RANBP3: variants seen among roughly 807,000 people sequenced by gnomAD.
RANBP3 encodes the protein ran-binding protein 3.
A neutral mutation model predicts 77.3 loss-of-function variants in RANBP3; 14 were observed. That is an observed-to-expected ratio of 0.18 (90% CI 0.12 to 0.28). RANBP3 has a LOEUF of 0.28. Among genes scored for constraint, RANBP3 ranks in the 10% least tolerant of loss-of-function variants. The pLI is 1.00. For synonymous variants in RANBP3, 315 were observed against 312.4 expected, an observed-to-expected ratio of 1.01 and a Z score of -0.09; for missense variants, 586 against 752.3, an observed-to-expected ratio of 0.78 and a Z score of 2.59.
At chr19:5,973,070 C>G (rs2058548949) in intron 1 of RANBP3, among the ~76,000 whole-genome samples, 1 of 152,214 alleles carries the variant, frequency 6.6e-6, no homozygotes, top group Admixed American at 6.5e-5. Context: ...CATCAGGCCC[C>G]TTCTGCTACA....
chr19:5,939,062 G>A lies in RANBP3; in HGVS notation c.406+2559C>T, dbSNP rs1016442539. ...TACCCCGGCATTGTGGTGTGCGCCT[G>A]TAATCCCAGCTACTCGGGAAGCTGA... On this transcript the variant is annotated intron_variant, in intron 5 of 16. Coordinates refer to ENST00000340578, the MANE Select transcript of RANBP3 (RefSeq NM_007322.3). Among the ~76,000 whole-genome samples the A allele has an allele frequency of 4.6e-5, 7 of 152,150 alleles. No individual in the cohort carries two copies. The East Asian group carries it at 1.2e-3, about 25-fold the overall frequency.
chr19:5,923,718 C>T, intron 12 of RANBP3, 94 bp downstream of exon 12: 2 of 977,720 alleles, frequency 2.0e-6, no homozygotes, highest in Non-Finnish European at 1.6e-6. Flanking sequence ...GGGAGTCGGG[C>T]CCCTTATCCC....
At position 5,921,435 on chromosome 19, in the gene RANBP3, C is replaced by T; in HGVS notation, c.1210-114G>A. 1.4e-6 allele frequency: 2 copies of T among 1,404,066 alleles called. No individual in the cohort carries two copies. The highest frequency in any genetic ancestry group is 2.1e-5 in the Admixed American group (1 of 48,490). The allele number at this position is 1,404,066 out of a possible 1,614,324, so 87.0% of individuals were successfully genotyped here. A position where few individuals can be genotyped will look rare whatever the true frequency, so the allele number is the denominator to read the frequency against. ...ACTGCCAGGGCCAGCCAACGACGGC[C>T]TGGGGGCCACCTTGGTCAGTTTTTT... On this transcript the variant is annotated intron_variant, in intron 13 of 16. Coordinates refer to ENST00000340578, the MANE Select transcript of RANBP3 (RefSeq NM_007322.3). This position sits in a 1 kb window ranked among gnomAD's most constrained non-coding sequence, Gnocchi z 5.3.
intron 5 of RANBP3, among the ~76,000 whole-genome samples, chr19:5,936,916 A>G (rs913740321): frequency 3.3e-5 from 5 of 151,720 alleles, no homozygotes; most frequent in African/African-American, 1.2e-4. Context: ...AGAGTATCCC[A>G]CGGGTGGTGA....
intron 2 of RANBP3, among the ~76,000 whole-genome samples, chr19:5,957,569 C>T (rs965904500): frequency 6.7e-6 from 1 of 150,246 alleles, no homozygotes; most frequent in East Asian, 2.0e-4. Context: ...CCCACCTTCC[C>T]TCCTCCCTTT....
At chr19:5,925,894 G>T in intron 9 of RANBP3, 157 bp from the exon 10 acceptor site, 1 of 624,110 alleles carries the variant, frequency 1.6e-6, no homozygotes. Flanking sequence ...TGTGCTGGGG[G>T]GCAGGGCTAT....
At chr19:5,929,567 C>G (rs2057960161) in intron 8 of RANBP3, among the ~76,000 whole-genome samples, 1 of 152,258 alleles carries the variant, frequency 6.6e-6, no homozygotes, top group African/African-American at 2.4e-5. Flanking sequence ...TGTAACCAGT[C>G]TGAGACTCTG....
Position 5,918,686 on chromosome 19 carries a change from C to G in RANBP3, c.1331-48G>C, listed in dbSNP as rs761522511. ...GCCCTGGCCCCCACACCGGCCCCCT[C>G]ACAAACAGCCAGCTCCAAGAGCCAA... On this transcript the variant is annotated intron_variant, in intron 14 of 16. Transcript: ENST00000340578. 32 of 1,595,230 alleles carry G rather than the reference C, an allele frequency of 2.0e-5. 1 individual carries two copies. In the South Asian group the frequency reaches 3.3e-4, roughly 17 times the overall value.
chr19:5,969,601 C>T (rs1299138449), intron 1 of RANBP3, among the ~76,000 whole-genome samples: 11 of 152,216 alleles, frequency 7.2e-5, no homozygotes, highest in Admixed American at 5.9e-4. Context: ...CAGGGGTGAA[C>T]GAGTGCCCAT....
At chr19:5,941,912 A>G in intron 3 of RANBP3, 77 bp from the exon 4 acceptor site, 1 of 1,546,396 alleles carries the variant, frequency 6.5e-7, no homozygotes, top group Non-Finnish European at 8.9e-7. Context: ...GGCCGTAACA[A>G]ATATCCCAAC....
At chr19:5,918,397 C>T in intron 15 of RANBP3, 99 bp downstream of exon 15, 1 of 313,254 alleles carries the variant, frequency 3.2e-6, no homozygotes, top group South Asian at 4.1e-5. Flanking sequence ...AGCCCCTCCC[C>T]CCTCCCCTCC....
At chr19:5,962,076 C>T (rs994812506) in intron 1 of RANBP3, among the ~76,000 whole-genome samples, 1 of 152,118 alleles carries the variant, frequency 6.6e-6, no homozygotes, top group African/African-American at 2.4e-5. Context: ...CCACGGGGCA[C>T]GCGGAGACCA....
chr19:5,940,930 C>G (rs2058127530), intron 5 of RANBP3, among the ~76,000 whole-genome samples: 1 of 152,246 alleles, frequency 6.6e-6, no homozygotes, highest in African/African-American at 2.4e-5. Flanking sequence ...ACGGCATTAT[C>G]TGCCTCAGGA....
At chr19:5,954,035 G>A (rs1479491043) in intron 2 of RANBP3, among the ~76,000 whole-genome samples, 1 of 152,328 alleles carries the variant, frequency 6.6e-6, no homozygotes, top group Admixed American at 6.5e-5. Flanking sequence ...ACAGAAAACC[G>A]CTGTGTGGCT....
In RANBP3 at chr19:5,941,609, T is replaced by C; in HGVS notation, c.406+12A>G. 6.2e-7 allele frequency: 1 copy of C among 1,603,868 alleles called. No homozygotes were observed. Among genetic ancestry groups the C allele is most frequent in the African/African-American group, 1.3e-5 (1 of 74,714 alleles). Reference sequence around the variant, plus strand: ...AAACGCTTTCACCATTCCGTAAGTTTGCATATTTTACCTGACTGTGAGGGT... The same window carrying C: ...AAACGCTTTCACCATTCCGTAAGTTCGCATATTTTACCTGACTGTGAGGGT... On this transcript the variant is annotated intron_variant, in intron 5 of 16. Transcript: ENST00000340578.
intron 14 of RANBP3, among the ~76,000 whole-genome samples, chr19:5,919,159 T>C (rs1049226260): frequency 1.3e-5 from 2 of 152,054 alleles, no homozygotes; most frequent in South Asian, 4.1e-4. Context: ...GAAGGCAGAG[T>C]AGGACCGCAG....
At chr19:5,935,890 G>A (rs1184945600) in intron 5 of RANBP3, 16 of 444,790 alleles carry the variant, frequency 3.6e-5, no homozygotes, top group Non-Finnish European at 6.4e-5. Context: ...AGAGCCCGAC[G>A]CCTGCCACAT....
intron 1 of RANBP3, chr19:5,962,750 A>T (rs1474961240): frequency 2.2e-6 from 1 of 455,858 alleles, no homozygotes; most frequent in Non-Finnish European, 4.4e-6. Context: ...CTGCATTTCT[A>T]CTCAGGCCAA....
At chr19:5,926,540 G>C (rs1024025304) in intron 9 of RANBP3, among the ~76,000 whole-genome samples, 3 of 152,114 alleles carry the variant, frequency 2.0e-5, no homozygotes, top group Admixed American at 2.0e-4. Flanking sequence ...GACACAGCAA[G>C]ACTTCGTGTC....
Sources: gnomAD v4.1 joint callset for allele counts (sites outside exome capture counted in the v4.1 genomes callset) on GRCh38, gnomAD v4.1.1 for gene constraint, Gnocchi (gnomAD v3.1) non-coding constraint, MANE v1.5 for transcripts, NCBI Gene and HGNC (gene_info 2026-07-23, HGNC 2026-07-21) for gene names.